Variants in MTPN observed in about 807,000 individuals in gnomAD.
MTPN encodes granule cell differentiation protein.
A neutral mutation model predicts 13.5 loss-of-function variants in MTPN; 2 were observed. The observed-to-expected ratio is 0.15, with a 90% CI of 0.06 to 0.47. MTPN has a LOEUF of 0.47. Among genes scored for constraint, MTPN ranks in the 20% least tolerant of loss-of-function variants. MTPN has a pLI of 0.97. For missense variants in MTPN, 79 were observed against 137.9 expected (o/e 0.57, Z 2.14); for synonymous variants, 46 against 51.7 (o/e 0.89, Z 0.48).
chr7:135,935,849 C>T (rs929993131), intron 3 of MTPN, among the ~76,000 whole-genome samples: 7 of 151,864 alleles, frequency 4.6e-5, no homozygotes, highest in African/African-American at 1.7e-4. Context: ...GATGGTGCCC[C>T]AATTCTCTAC....
intron 3 of MTPN, among the ~76,000 whole-genome samples, chr7:135,936,674 C>G (rs1221839352): frequency 6.6e-6 from 1 of 152,182 alleles, no homozygotes; most frequent in Non-Finnish European, 1.5e-5. Context: ...CAGGTAATTG[C>G]AACATAGAAG....
chr7:135,958,582 T>C (rs1799478370), intron 1 of MTPN, among the ~76,000 whole-genome samples: 1 of 152,190 alleles, frequency 6.6e-6, no homozygotes, highest in Admixed American at 6.5e-5. Context: ...GATCAGTCCA[T>C]TCCTGCTCTC....
At chr7:135,974,021 T>A (rs1799735965) in intron 1 of MTPN, among the ~76,000 whole-genome samples, 2 of 152,196 alleles carry the variant, frequency 1.3e-5, no homozygotes, top group Non-Finnish European at 2.9e-5. Context: ...AATGTAATAA[T>A]CTAAATTTTT....
intron 3 of MTPN, among the ~76,000 whole-genome samples, chr7:135,930,714 T>TG (rs1354587251): frequency 5.3e-5 from 8 of 152,170 alleles, no homozygotes; most frequent in Admixed American, 5.2e-4. Flanking sequence ...GAAAGCTCCA[T>TG]GGGAGCAGTA....
At chr7:135,971,480 G>C (rs1354851061) in intron 1 of MTPN, among the ~76,000 whole-genome samples, 1 of 152,072 alleles carries the variant, frequency 6.6e-6, no homozygotes, top group East Asian at 1.9e-4. Context: ...TGGCCTTATT[G>C]AGAAATGAAG....
Position 135,929,727 on chromosome 7 carries a change from T to G in MTPN, c.*199A>C. 1 of 589,756 alleles carries G rather than the reference T, an allele frequency of 1.7e-6. No homozygotes were observed. Among genetic ancestry groups the G allele is most frequent in the Non-Finnish European group, 3.1e-6 (1 of 321,474 alleles). The allele number at this position is 589,756 out of a possible 1,614,324, so 36.5% of individuals were successfully genotyped here. On this transcript the variant is annotated 3_prime_UTR_variant, in exon 4 of 4. Transcript: ENST00000393085. ...TTGATCAGGAATCCCAGTAAAAGCC[T>G]GATCATGGTTCCTTTTGCCCCTCCT...
intron 3 of MTPN, among the ~76,000 whole-genome samples, chr7:135,940,006 G>T (rs937218470): frequency 6.6e-6 from 1 of 152,076 alleles, no homozygotes; most frequent in Non-Finnish European, 1.5e-5. Context: ...TCTTGTCTAA[G>T]TATGTACTAC....
chr7:135,954,879 C>G (rs1156957800), intron 1 of MTPN, among the ~76,000 whole-genome samples: 1 of 152,092 alleles, frequency 6.6e-6, no homozygotes, highest in African/African-American at 2.4e-5. Context: ...GGAGGCAGAG[C>G]TTGCAGTAAG....
rs1264961807 is a variant in MTPN, at chr7:135,929,492, C to T, written c.*434G>A. 5.6e-6 allele frequency: 1 copy of T among 179,858 alleles called. No homozygotes were observed. Among genetic ancestry groups the T allele is most frequent in the Non-Finnish European group, 1.3e-5 (1 of 74,716 alleles). 11.1% of individuals were successfully genotyped at this position (179,858 alleles called of 1,614,324 possible). A position where few individuals can be genotyped will look rare whatever the true frequency, so the allele number is the denominator to read the frequency against. Reference sequence around the variant, plus strand: ...GAAGGCTAGAGCTAATTGCTTATCTCAGCACCCTAAGTTTACATCACAGCA... The same window carrying T: ...GAAGGCTAGAGCTAATTGCTTATCTTAGCACCCTAAGTTTACATCACAGCA... On this transcript the variant is annotated 3_prime_UTR_variant, in exon 4 of 4. Transcript: ENST00000393085.
intron 1 of MTPN, among the ~76,000 whole-genome samples, chr7:135,969,563 A>C (rs1001884838): frequency 5.3e-5 from 8 of 151,976 alleles, no homozygotes; most frequent in African/African-American, 1.9e-4. Context: ...CTTCAAAATA[A>C]ATAATGGAAA....
chr7:135,966,077 T>C (rs1306862797), intron 1 of MTPN, among the ~76,000 whole-genome samples: 1 of 152,064 alleles, frequency 6.6e-6, no homozygotes, highest in African/African-American at 2.4e-5. Context: ...ATCAGACTGA[T>C]TAATAGACAT....
chr7:135,952,931 C>T (rs1367777744), intron 1 of MTPN, among the ~76,000 whole-genome samples: 1 of 152,146 alleles, frequency 6.6e-6, no homozygotes, highest in Non-Finnish European at 1.5e-5. Flanking sequence ...TACACTCCAG[C>T]CTGGGTGACA....
intron 3 of MTPN, among the ~76,000 whole-genome samples, chr7:135,943,219 T>C (rs1799240761): frequency 6.6e-6 from 1 of 152,236 alleles, no homozygotes; most frequent in South Asian, 2.1e-4. Context: ...TCAGATTTTA[T>C]TGGAGGTATG....
chr7:135,948,775 T>C (rs187178101), intron 3 of MTPN, among the ~76,000 whole-genome samples: 93 of 152,162 alleles, frequency 6.1e-4, no homozygotes, highest in African/African-American at 2.2e-3. Flanking sequence ...CAAAGAAAAA[T>C]TGTTCTGATC....
intron 1 of MTPN, among the ~76,000 whole-genome samples, chr7:135,957,023 C>T (rs776248898): frequency 6.6e-6 from 1 of 152,188 alleles, no homozygotes; most frequent in Non-Finnish European, 1.5e-5. Flanking sequence ...AAATACAAAG[C>T]TTCCCTTTAC....
At chr7:135,970,249 G>C (rs1194916515) in intron 1 of MTPN, among the ~76,000 whole-genome samples, 1 of 152,198 alleles carries the variant, frequency 6.6e-6, no homozygotes, top group African/African-American at 2.4e-5. Flanking sequence ...GGGAAAAACA[G>C]ATGAGTAAGT....
intron 1 of MTPN, among the ~76,000 whole-genome samples, chr7:135,955,447 C>T (rs1327365271): frequency 6.6e-6 from 1 of 152,094 alleles, no homozygotes; most frequent in Non-Finnish European, 1.5e-5. Flanking sequence ...TACCTCCCCA[C>T]AAAGAAACCT....
intron 1 of MTPN, among the ~76,000 whole-genome samples, chr7:135,963,469 G>A (rs1584818226): frequency 1.3e-5 from 2 of 152,004 alleles, no homozygotes; most frequent in East Asian, 1.9e-4. Flanking sequence ...CCACTGAGGC[G>A]GCAAAGCAAA....
intron 1 of MTPN, among the ~76,000 whole-genome samples, chr7:135,958,878 C>A (rs10275947): frequency 6.6e-6 from 1 of 151,818 alleles, no homozygotes; most frequent in African/African-American, 2.4e-5. Flanking sequence ...TCAAATTTCA[C>A]TAAAGTATTT....
Sources: allele counts gnomAD v4.1 joint callset (sites outside exome capture counted in the v4.1 genomes callset), GRCh38; gene constraint gnomAD v4.1.1; transcripts MANE v1.5; gene names NCBI Gene and HGNC (gene_info 2026-07-23, HGNC 2026-07-21).